HERC1: variants seen among roughly 807,000 people sequenced by gnomAD.
HERC1 encodes probable E3 ubiquitin-protein ligase HERC1.
A neutral mutation model predicts 554.3 loss-of-function variants in HERC1; 160 were observed. That is an observed-to-expected ratio of 0.29 (90% CI 0.25 to 0.33). The LOEUF (loss-of-function observed/expected upper bound fraction) is 0.33. HERC1 is among the 10% of genes least tolerant of loss of function. The pLI is 1.00. For missense variants in HERC1, 4,919 were observed against 5,918.5 expected (o/e 0.83, Z 5.54); for synonymous variants, 2,175 against 2,131.7 (o/e 1.02, Z -0.56).
At chr15:63,685,161 C>T (rs551407556) in intron 34 of HERC1, among the ~76,000 whole-genome samples, 1 of 152,338 alleles carries the variant, frequency 6.6e-6, no homozygotes, top group African/African-American at 2.4e-5. Flanking sequence ...TTCCACAAAA[C>T]ACCTCGAGAT....
chr15:63,737,846 T>A (rs1409287676), intron 12 of HERC1, among the ~76,000 whole-genome samples: 14 of 152,150 alleles, frequency 9.2e-5, no homozygotes, highest in Admixed American at 9.2e-4. Flanking sequence ...ATTTTCTAAG[T>A]AACACCGCTG....
chr15:63,729,099 A>G, intron 16 of HERC1, 137 bp downstream of exon 16: 1 of 812,998 alleles, frequency 1.2e-6, no homozygotes, highest in East Asian at 2.7e-5. Flanking sequence ...CCAAACCAAG[A>G]CTAAAGGAAT....
Position 63,638,638 on chromosome 15 carries a change from C to T in HERC1, c.11967+73G>A, listed in dbSNP as rs1468568265. On this transcript the variant is annotated intron_variant, in intron 62 of 77. Transcript: ENST00000443617. ...CCAGCCTGTATGGGAGACACCAGGG[C>T]ACAAACACACAAGCATTTAGAATCA... 5 of 1,578,162 alleles carry T rather than the reference C, an allele frequency of 3.2e-6. No homozygotes were observed. The South Asian group carries it at 3.3e-5, about 11-fold the overall frequency.
In HERC1 at chr15:63,774,602, A is replaced by T. The variant is rs190630220; in HGVS notation, c.930+92T>A. The T allele has an allele frequency of 2.5e-4, 237 of 937,096 alleles. No individual in the cohort carries two copies. In the East Asian group the frequency reaches 5.8e-3, roughly 23 times the overall value. 58.0% of individuals were successfully genotyped at this position (937,096 alleles called of 1,614,324 possible). A position where few individuals can be genotyped will look rare whatever the true frequency, so the allele number is the denominator to read the frequency against. On this transcript the variant is annotated intron_variant, in intron 2 of 77. Transcript: ENST00000443617. ...AACTCAACAATCACCAAAAGTCTCA[A>T]ATCATTCACTATTACCACCAATTCA...
At chr15:63,699,784 T>C (rs1484276144) in intron 25 of HERC1, among the ~76,000 whole-genome samples, 1 of 152,180 alleles carries the variant, frequency 6.6e-6, no homozygotes, top group East Asian at 1.9e-4. Flanking sequence ...CAGCAAAATG[T>C]TAACATGTTT....
At chr15:63,641,781 C>T (rs2069074975) in intron 59 of HERC1, 138 bp from the exon 60 acceptor site, 1 of 620,866 alleles carries the variant, frequency 1.6e-6, no homozygotes, top group Non-Finnish European at 2.6e-6. Context: ...AAAGGCTATG[C>T]TTTTAATGCC....
chr15:63,785,374 C>A (rs1167710264), intron 1 of HERC1, among the ~76,000 whole-genome samples: 1 of 152,086 alleles, frequency 6.6e-6, no homozygotes, highest in African/African-American at 2.4e-5. Flanking sequence ...GCTATAAGTG[C>A]ACCACTGCAC....
chr15:63,619,302 T>G (rs2067963694), intron 74 of HERC1, among the ~76,000 whole-genome samples: 3 of 152,198 alleles, frequency 2.0e-5, no homozygotes, highest in Admixed American at 2.0e-4. Flanking sequence ...TTATGTTTAT[T>G]GATTTTCGTA....
intron 70 of HERC1, among the ~76,000 whole-genome samples, chr15:63,626,892 TG>T (rs1341973869): frequency 3.3e-5 from 5 of 152,248 alleles, no homozygotes; most frequent in African/African-American, 1.2e-4. Flanking sequence ...TTTACATGAA[TG>T]GGGCCACTTA....
intron 39 of HERC1, among the ~76,000 whole-genome samples, chr15:63,671,559 A>G (rs1400140960): frequency 6.6e-6 from 1 of 152,234 alleles, no homozygotes; most frequent in Non-Finnish European, 1.5e-5. Context: ...AGTAATTCTC[A>G]AAGTGTACGC....
At chr15:63,736,124 T>C (rs1248483473) in intron 12 of HERC1, among the ~76,000 whole-genome samples, 1 of 152,156 alleles carries the variant, frequency 6.6e-6, no homozygotes, top group Non-Finnish European at 1.5e-5. Context: ...AAAGGGTAAC[T>C]GACTTAAAAG....
chr15:63,674,227 C>T, intron 38 of HERC1, 115 bp downstream of exon 38: 2 of 789,510 alleles, frequency 2.5e-6, no homozygotes, highest in South Asian at 3.3e-5. Context: ...TTGCTTTGAC[C>T]AAAAAAAAAA....
chr15:63,728,112 T>C (rs2074111394), intron 16 of HERC1, among the ~76,000 whole-genome samples: 1 of 152,214 alleles, frequency 6.6e-6, no homozygotes, highest in African/African-American at 2.4e-5. Context: ...GAATTTCTCA[T>C]TCATTAATTT....
At position 63,716,424 on chromosome 15, in the gene HERC1, A is replaced by C. The variant is rs773454397; in HGVS notation, c.4028T>G (p.Phe1343Cys). 2.2e-5 allele frequency: 35 copies of C among 1,613,776 alleles called. No individual in the cohort carries two copies. In the Middle Eastern group the frequency reaches 8.2e-4, roughly 38 times the overall value. Residue 1343 changes from phenylalanine (F) to cysteine (C), a missense_variant, in exon 22 of 78, where the codon TTT (phenylalanine) becomes TGT (cysteine). This residue lies in a region of HERC1 where 1,121 missense variants were observed against 1,244.0 expected (regional missense o/e 0.90). Coordinates refer to ENST00000443617, the MANE Select transcript of HERC1 (RefSeq NM_003922.4). ...SADVDPQEHS[F>C]TRTIDEEAEM... Reference sequence around the variant, plus strand: ...AGCTTCTTCATCAATAGTTCGAGTAAATGAATGCTCCTGAGGATCAACATC... The same window carrying C: ...AGCTTCTTCATCAATAGTTCGAGTACATGAATGCTCCTGAGGATCAACATC...
intron 1 of HERC1, among the ~76,000 whole-genome samples, chr15:63,814,209 T>C (rs2077421049): frequency 6.6e-6 from 1 of 152,230 alleles, no homozygotes; most frequent in Admixed American, 6.5e-5. Context: ...ACAATGATTA[T>C]TCTGTGTGGT....
chr15:63,692,431 G>A lies in HERC1; in HGVS notation c.5810C>T (p.Ala1937Val), dbSNP rs2072163929. 3 of 1,608,356 alleles carry A rather than the reference G, an allele frequency of 1.9e-6. No homozygotes were observed. The highest frequency in any genetic ancestry group is 2.5e-6 in the Non-Finnish European group (3 of 1,178,302). The change falls in exon 31 of 78, where the codon GCA becomes GTA. Residue 1937 changes from alanine (A) to valine (V), a missense_variant. Ala to Val is a moderately conservative substitution (Grantham distance 64). Around this residue, in one of 11 missense-constraint regions of HERC1, gnomAD observed 1,121 missense variants for 1,244.0 expected, o/e 0.90. Transcript: ENST00000443617. The surrounding 1 kb of genome is among the most constrained non-coding windows in gnomAD (Gnocchi z 4.7). ...TGTACCTGAAGAACATTTCTGAGAT[G>A]CTATATTTAGAAGCACTTCGGTCCA... is the stretch of plus-strand genomic sequence containing the variant. ...PKWTEVLLNI[A>V]SQKCSSGIPL... is the part of the protein sequence containing the mutation.
At chr15:63,682,430 G>T (rs1432722168) in intron 34 of HERC1, among the ~76,000 whole-genome samples, 1 of 152,130 alleles carries the variant, frequency 6.6e-6, no homozygotes, top group Non-Finnish European at 1.5e-5. Flanking sequence ...AAATTAGCTT[G>T]TAGTTGCTCT....
At chr15:63,668,876 C>T (rs539011250) in intron 40 of HERC1, among the ~76,000 whole-genome samples, 8 of 152,102 alleles carry the variant, frequency 5.3e-5, no homozygotes, top group African/African-American at 1.9e-4. Context: ...GACAAAAAAA[C>T]CAGAAAGGAT....
Position 63,727,551 on chromosome 15 carries a change from A to T in HERC1, c.3346+96T>A. The T allele has an allele frequency of 1.3e-6, 1 of 796,450 alleles. No individual in the cohort carries two copies. The highest frequency in any genetic ancestry group is 2.0e-6 in the Non-Finnish European group (1 of 509,140). 49.3% of individuals were successfully genotyped at this position (796,450 alleles called of 1,614,324 possible). On this transcript the variant is annotated intron_variant, in intron 17 of 77. Transcript: ENST00000443617. This position sits in a 1 kb window ranked among gnomAD's most constrained non-coding sequence, Gnocchi z 4.3. ...GTGATGAAATTCCTTTGATAGCCTTAGGATAGATAGACTCCAATGGAAAAA... is the reference window on the plus strand; with the variant it reads ...GTGATGAAATTCCTTTGATAGCCTTTGGATAGATAGACTCCAATGGAAAAA...
Sources: gnomAD v4.1 joint callset for allele counts (sites outside exome capture counted in the v4.1 genomes callset) on GRCh38, gnomAD v4.1.1 for gene constraint, gnomAD v4.1.1 regional missense constraint, Gnocchi (gnomAD v3.1) non-coding constraint, MANE v1.5 for transcripts, NCBI Gene and HGNC (gene_info 2026-07-23, HGNC 2026-07-21) for gene names.